Variants in AK4 observed in about 807,000 individuals in gnomAD.
The protein encoded by AK4 is adenylate kinase 4, also known as adenylate kinase 4, mitochondrial.
In AK4, 13 loss-of-function variants were observed where a neutral mutation model predicts 24.6. The ratio of observed to expected loss-of-function variants is 0.53; its 90% confidence interval spans 0.34 to 0.84. The LOEUF (loss-of-function observed/expected upper bound fraction) is 0.84. AK4 is among the 40% of genes least tolerant of loss of function. AK4 has a pLI of 0.01. For missense variants in AK4, 192 were observed against 288.2 expected (o/e 0.67, Z 2.42); for synonymous variants, 88 against 107.0 (o/e 0.82, Z 1.10).
At chr1:65,214,655 C>A (rs1652070316) in intron 2 of AK4, among the ~76,000 whole-genome samples, 1 of 152,192 alleles carries the variant, frequency 6.6e-6, no homozygotes, top group Non-Finnish European at 1.5e-5. Flanking sequence ...AAGGCTATTT[C>A]TCCTCACTTT....
intron 2 of AK4, among the ~76,000 whole-genome samples, chr1:65,210,105 A>G (rs962508191): frequency 6.6e-6 from 1 of 152,228 alleles, no homozygotes; most frequent in Admixed American, 6.5e-5. Context: ...CTGAGTATCC[A>G]TATTTTAAAA....
chr1:65,152,559 C>CTGG (rs1649834261), intron 1 of AK4, among the ~76,000 whole-genome samples: 1 of 151,210 alleles, frequency 6.6e-6, no homozygotes, highest in South Asian at 2.1e-4. Flanking sequence ...CACACCACCA[C>CTGG]GTGTGGCTAT....
intron 1 of AK4, among the ~76,000 whole-genome samples, chr1:65,181,227 C>T (rs746323498): frequency 3.3e-5 from 5 of 151,458 alleles, no homozygotes; most frequent in African/African-American, 4.9e-5. Flanking sequence ...ATCAGTACCC[C>T]ATAGCTCCTT....
At chr1:65,225,569 A>C (rs551409050) in intron 4 of AK4, among the ~76,000 whole-genome samples, 2 of 152,212 alleles carry the variant, frequency 1.3e-5, no homozygotes, top group Non-Finnish European at 2.9e-5. Flanking sequence ...AAGTCAAACA[A>C]AACTTTATGC....
intron 3 of AK4, among the ~76,000 whole-genome samples, chr1:65,220,052 CTGTG>C (rs1252126509): frequency 3.9e-5 from 6 of 152,198 alleles, no homozygotes; most frequent in African/African-American, 1.4e-4. Context: ...ACTACACATT[CTGTG>C]TTTTTTGGAG....
chr1:65,213,606 A>G (rs1652036983), intron 2 of AK4, among the ~76,000 whole-genome samples: 1 of 152,248 alleles, frequency 6.6e-6, no homozygotes, highest in African/African-American at 2.4e-5. Flanking sequence ...GAGCAGCAGC[A>G]ACCGTTTATT....
intron 1 of AK4, among the ~76,000 whole-genome samples, chr1:65,160,723 T>C (rs1023156551): frequency 6.6e-6 from 1 of 151,968 alleles, no homozygotes; most frequent in Non-Finnish European, 1.5e-5. Context: ...TCCTCCAGAG[T>C]AGCAGGGACT....
At chr1:65,214,638 C>T (rs570275336) in intron 2 of AK4, among the ~76,000 whole-genome samples, 13 of 152,284 alleles carry the variant, frequency 8.5e-5, no homozygotes, top group African/African-American at 2.9e-4. Context: ...CTGAATGTGT[C>T]TACCTTAAGG....
At chr1:65,202,987 C>T (rs1456053152) in intron 2 of AK4, among the ~76,000 whole-genome samples, 7 of 149,338 alleles carry the variant, frequency 4.7e-5, no homozygotes, top group Non-Finnish European at 8.9e-5. Flanking sequence ...ATCCTCCCAT[C>T]TCAGCTCCCT....
At chr1:65,191,120 T>A in intron 2 of AK4, among the ~76,000 whole-genome samples, 1 of 152,348 alleles carries the variant, frequency 6.6e-6, no homozygotes, top group African/African-American at 2.4e-5. Context: ...TAACTCCTCT[T>A]CAATCAGAGG....
chr1:65,198,060 A>C (rs764083012), intron 2 of AK4, among the ~76,000 whole-genome samples: 1 of 152,128 alleles, frequency 6.6e-6, no homozygotes, highest in Non-Finnish European at 1.5e-5. Context: ...TCCTGTGTGT[A>C]TGTGTTTATG....
intron 1 of AK4, among the ~76,000 whole-genome samples, chr1:65,165,211 T>C (rs1650288204): frequency 6.6e-6 from 1 of 152,220 alleles, no homozygotes; most frequent in Non-Finnish European, 1.5e-5. Context: ...AAATCTCTAG[T>C]GTCTAACATA....
intron 1 of AK4, among the ~76,000 whole-genome samples, chr1:65,173,501 C>T (rs968299103): frequency 1.3e-5 from 2 of 152,148 alleles, no homozygotes; most frequent in African/African-American, 4.8e-5. Context: ...TAATTTTTCA[C>T]TTCTGCGTTT....
intron 2 of AK4, among the ~76,000 whole-genome samples, chr1:65,194,143 G>T (rs541144173): frequency 9.2e-5 from 14 of 152,168 alleles, no homozygotes; most frequent in Admixed American, 3.9e-4. Context: ...GTTCAAACCC[G>T]TATCTTCAAT....
At chr1:65,184,271 C>G (rs1651012985) in intron 1 of AK4, among the ~76,000 whole-genome samples, 1 of 152,170 alleles carries the variant, frequency 6.6e-6, no homozygotes, top group Non-Finnish European at 1.5e-5. Flanking sequence ...TACCATCCAT[C>G]TATCTTTCTC....
intron 1 of AK4, among the ~76,000 whole-genome samples, chr1:65,151,018 A>G (rs1445188957): frequency 4.0e-5 from 6 of 151,878 alleles, no homozygotes; most frequent in Admixed American, 3.9e-4. Context: ...CAGTGGCGCT[A>G]TCTCGGCTCG....
chr1:65,206,625 T>C (rs1275479443), intron 2 of AK4, among the ~76,000 whole-genome samples: 7 of 152,148 alleles, frequency 4.6e-5, no homozygotes, highest in African/African-American at 1.7e-4. Context: ...ACAAAACCAA[T>C]GTCCAGGTGT....
At chr1:65,218,968 GACAA>G in intron 3 of AK4, 42 bp downstream of exon 3, 2 of 1,450,620 alleles carry the variant, frequency 1.4e-6, no homozygotes, top group South Asian at 1.4e-5. Context: ...ACAAGAAAAA[GACAA>G]ACAATTTCCA....
At chr1:65,152,450 C>G (rs370708499) in intron 1 of AK4, among the ~76,000 whole-genome samples, 1 of 123,102 alleles carries the variant, frequency 8.1e-6, no homozygotes, top group Non-Finnish European at 1.6e-5. Flanking sequence ...TCACCCAGGC[C>G]GGAGTGCAGT....
Sources: allele counts gnomAD v4.1 joint callset (sites outside exome capture counted in the v4.1 genomes callset), GRCh38; gene constraint gnomAD v4.1.1; transcripts MANE v1.5; gene names NCBI Gene and HGNC (gene_info 2026-07-23, HGNC 2026-07-21).